ADNP: variants seen among roughly 807,000 people sequenced by gnomAD.
The protein encoded by ADNP is activity-dependent neuroprotector homeobox protein.
ADNP carries 4 observed loss-of-function variants against 84.9 expected under a neutral mutation model. The observed-to-expected ratio is 0.05, with a 90% CI of 0.02 to 0.11. The LOEUF is 0.11. ADNP is among the 10% of genes least tolerant of loss of function. The pLI, the probability that ADNP is intolerant of heterozygous loss-of-function variation, is 1.00. For missense variants in ADNP, 1,132 were observed against 1,326.0 expected (o/e 0.85, Z 2.27); for synonymous variants, 554 against 468.1 (o/e 1.18, Z -2.37).
intron 2 of ADNP, among the ~76,000 whole-genome samples, chr20:50,909,145 C>T (rs1297272790): frequency 3.3e-5 from 5 of 150,930 alleles, no homozygotes; most frequent in South Asian, 4.2e-4. Flanking sequence ...CCGAGGCGGG[C>T]GGAACACCTG....
At chr20:50,900,148 C>A (rs1981822305) in intron 5 of ADNP, among the ~76,000 whole-genome samples, 1 of 152,122 alleles carries the variant, frequency 6.6e-6, no homozygotes, top group Non-Finnish European at 1.5e-5. Context: ...ATAGGTGTAC[C>A]AATTTTTCTT....
chr20:50,889,698 G>GT lies in ADNP; in HGVS notation c.*1706dup. 2 of 392,178 alleles carry GT rather than the reference G, an allele frequency of 5.1e-6. No individual in the cohort carries two copies. Among genetic ancestry groups the GT allele is most frequent in the Non-Finnish European group, 9.0e-6 (2 of 222,464 alleles). The allele number at this position is 392,178 out of a possible 1,614,324, so 24.3% of individuals were successfully genotyped here. A position where few individuals can be genotyped will look rare whatever the true frequency, so the allele number is the denominator to read the frequency against. On this transcript the variant is annotated 3_prime_UTR_variant, in exon 6 of 6. Transcript: ENST00000621696. ...CTGACCAGCCTCCTCATGGATTGGA[G>GT]TTTCCCATCATTGTTTTAATTGCTG...
In ADNP at chr20:50,892,516, T is replaced by A. The variant is rs2122745805; in HGVS notation, c.2198A>T (p.Asp733Val). 5 of 1,614,234 alleles carry A rather than the reference T, an allele frequency of 3.1e-6. No homozygotes were observed. The East Asian group carries it at 1.1e-4, about 36-fold the overall frequency. The part of the protein sequence containing the change: ...EFPLLKKRKL[D>V]DDSDSPSFFE... ...GAAGCTGGGTGAATCACTATCATCA[T>A]CTAACTTTCGTTTTTTCAGTAAGGG... Residue 733 changes from aspartate to valine, a missense_variant, in exon 6 of 6, where the codon GAT becomes GTT. Asp to Val is a radical substitution (Grantham distance 152, BLOSUM62 -3). This residue lies in a region of ADNP where 101 missense variants were observed against 78.5 expected (regional missense o/e 1.29). Coordinates refer to ENST00000621696, the MANE Select transcript of ADNP (RefSeq NM_001282531.3).
intron 1 of ADNP, among the ~76,000 whole-genome samples, chr20:50,930,617 G>A (rs866971645): frequency 5.7e-4 from 87 of 152,218 alleles, no homozygotes; most frequent in Middle Eastern, 3.4e-3. Flanking sequence ...CTGGACCTCC[G>A]GAGCAGAGTC....
In ADNP at chr20:50,889,797, G is replaced by T. The variant is rs1254141025; in HGVS notation, c.*1608C>A. On this transcript the variant is annotated 3_prime_UTR_variant, in exon 6 of 6. Coordinates refer to ENST00000621696, the MANE Select transcript of ADNP (RefSeq NM_001282531.3). ...CAAGTTCTCTTGGGAATCTACGCAT[G>T]GTAAAAATACCAGCTCCTTCCATCT... is the stretch of plus-strand genomic sequence containing the variant. 1 of 398,250 alleles carries T rather than the reference G, an allele frequency of 2.5e-6. No homozygotes were observed. The allele number at this position is 398,250 out of a possible 1,614,324, so 24.7% of individuals were successfully genotyped here. A position where few individuals can be genotyped will look rare whatever the true frequency, so the allele number is the denominator to read the frequency against.
At chr20:50,908,069 C>T (rs905618300) in intron 2 of ADNP, among the ~76,000 whole-genome samples, 1 of 151,570 alleles carries the variant, frequency 6.6e-6, no homozygotes, top group African/African-American at 2.4e-5. Flanking sequence ...GATCATTTCT[C>T]TAAGATTTTC....
rs1295385770 is a variant in ADNP, at chr20:50,931,319, AGGCGGCGGC to A, written c.-767_-759del. 1.6e-4 allele frequency: 3 copies of A among 19,064 alleles called. No individual in the cohort carries two copies. The highest frequency in any genetic ancestry group is 2.6e-4 in the African/African-American group (1 of 3,834). 1.2% of individuals were successfully genotyped at this position (19,064 alleles called of 1,614,324 possible). A position where few individuals can be genotyped will look rare whatever the true frequency, so the allele number is the denominator to read the frequency against. ...GGCGGAGGGGAGACCGGGCCGGCGG[AGGCGGCGGC>A]GGCAACGGGCGGGGGAGGGGGCTGA... On this transcript the variant is annotated 5_prime_UTR_variant, in exon 1 of 6. Transcript: ENST00000621696.
chr20:50,913,922 G>T (rs979007556), intron 2 of ADNP: 5 of 659,416 alleles, frequency 7.6e-6, no homozygotes, highest in Non-Finnish European at 1.1e-5. Context: ...GAGTGCCAGT[G>T]AATGATAAAG....
intron 2 of ADNP, among the ~76,000 whole-genome samples, chr20:50,908,570 C>A (rs545521699): frequency 6.6e-6 from 1 of 151,706 alleles, no homozygotes; most frequent in Non-Finnish European, 1.5e-5. Flanking sequence ...GTCAGGAGAT[C>A]GAGACCATCC....
chr20:50,898,626 C>G (rs1278707959), intron 5 of ADNP, among the ~76,000 whole-genome samples: 1 of 152,210 alleles, frequency 6.6e-6, no homozygotes, highest in East Asian at 1.9e-4. Flanking sequence ...CCTTCGTAGT[C>G]CTTAATCACT....
At chr20:50,913,499 T>G (rs903771796) in intron 2 of ADNP, among the ~76,000 whole-genome samples, 14 of 152,292 alleles carry the variant, frequency 9.2e-5, no homozygotes, top group African/African-American at 3.1e-4. Context: ...TTTTTGAAGT[T>G]TCCTTAAACC....
At chr20:50,903,297 T>A (rs1455804498) in intron 4 of ADNP, among the ~76,000 whole-genome samples, 1 of 152,166 alleles carries the variant, frequency 6.6e-6, no homozygotes, top group South Asian at 2.1e-4. Flanking sequence ...ATAAAGCTCA[T>A]AGAATAAAAC....
At position 50,891,411 on chromosome 20, in the gene ADNP, C is replaced by T. The variant is rs758371438; in HGVS notation, c.3303G>A (p.Gln1101=). 2 of 1,602,360 alleles carry T rather than the reference C, an allele frequency of 1.2e-6. No individual in the cohort carries two copies. Among genetic ancestry groups the T allele is most frequent in the Non-Finnish European group, 1.7e-6 (2 of 1,175,282 alleles). The part of the protein sequence containing the change: ...SLAGVKLSSQ[Q]A ...ACGCCAGGGAACCTGGCACTTAGGCCTGTTGGCTGCTCAGTTTAACTCCGG... is the reference window on the plus strand; with the variant it reads ...ACGCCAGGGAACCTGGCACTTAGGCTTGTTGGCTGCTCAGTTTAACTCCGG... The change falls in exon 6 of 6, where the codon CAG becomes CAA. Residue 1101 remains glutamine (Q), a synonymous_variant. Transcript: ENST00000621696.
intron 2 of ADNP, among the ~76,000 whole-genome samples, chr20:50,915,132 C>G (rs1266101541): frequency 6.6e-6 from 1 of 152,022 alleles, no homozygotes; most frequent in Admixed American, 6.6e-5. Flanking sequence ...ATTTCAGAAA[C>G]TAAAAAATAA....
intron 2 of ADNP, among the ~76,000 whole-genome samples, chr20:50,917,332 A>T (rs1387445836): frequency 6.6e-6 from 1 of 152,244 alleles, no homozygotes; most frequent in Non-Finnish European, 1.5e-5. Context: ...AGATGATTCC[A>T]TCACATCCAG....
chr20:50,928,409 G>A (rs937126116), intron 2 of ADNP, among the ~76,000 whole-genome samples: 1 of 152,164 alleles, frequency 6.6e-6, no homozygotes, highest in Admixed American at 6.5e-5. Flanking sequence ...ATACAAAGGG[G>A]TGTAGAATGC....
In ADNP at chr20:50,891,165, T is replaced by C. The variant is rs1464516661; in HGVS notation, c.*240A>G. ...CTCTGCTTTTCCTCGTGTGTATTCA[T>C]GAGTCACCAGCTTATTGGTTTTTCA... is the stretch of plus-strand genomic sequence containing the variant. On this transcript the variant is annotated 3_prime_UTR_variant, in exon 6 of 6. Transcript: ENST00000621696. 3.1e-6 allele frequency: 4 copies of C among 1,291,084 alleles called. No individual in the cohort carries two copies. In the East Asian group the frequency reaches 1.2e-4, roughly 39 times the overall value. The allele number at this position is 1,291,084 out of a possible 1,614,324, so 80.0% of individuals were successfully genotyped here. A position where few individuals can be genotyped will look rare whatever the true frequency, so the allele number is the denominator to read the frequency against.
At chr20:50,930,472 G>A (rs144442273) in intron 1 of ADNP, among the ~76,000 whole-genome samples, 14,361 of 25,110 alleles carry the variant, frequency 0.57, 1,857 homozygotes, top group African/African-American at 0.59. Context: ...GACGGGATTA[G>A]TTCCAGGATG....
At chr20:50,927,807 A>C (rs1984389174) in intron 2 of ADNP, among the ~76,000 whole-genome samples, 1 of 152,254 alleles carries the variant, frequency 6.6e-6, no homozygotes, top group African/African-American at 2.4e-5. Context: ...GTTACCACTT[A>C]GGACATCATT....
Sources: allele counts gnomAD v4.1 joint callset (sites outside exome capture counted in the v4.1 genomes callset), GRCh38; gene constraint gnomAD v4.1.1; regional missense constraint gnomAD v4.1.1; transcripts MANE v1.5; gene names NCBI Gene and HGNC (gene_info 2026-07-23, HGNC 2026-07-21).